CHSY1: variants seen among roughly 807,000 people sequenced by gnomAD.
CHSY1 encodes the protein N-acetylgalactosaminyl-proteoglycan 3-beta-glucuronosyltransferase 1.
CHSY1 carries 13 observed loss-of-function variants against 59.8 expected under a neutral mutation model. The ratio of observed to expected loss-of-function variants is 0.22; its 90% confidence interval spans 0.14 to 0.35. The LOEUF is 0.35. Ranked by LOEUF, CHSY1 falls within the 10% of genes least tolerant of loss-of-function variation. CHSY1 has a pLI of 1.00. For synonymous variants in CHSY1, 459 were observed against 401.2 expected, an observed-to-expected ratio of 1.14 and a Z score of -1.72; for missense variants, 947 against 1,030.6, an observed-to-expected ratio of 0.92 and a Z score of 1.11.
At chr15:101,194,619 C>T (rs2038486002) in intron 2 of CHSY1, among the ~76,000 whole-genome samples, 1 of 152,186 alleles carries the variant, frequency 6.6e-6, no homozygotes, top group Non-Finnish European at 1.5e-5. Context: ...ACAGCTGCTT[C>T]TGAACAGTGC....
At chr15:101,203,219 C>A (rs2038591311) in intron 2 of CHSY1, among the ~76,000 whole-genome samples, 1 of 152,148 alleles carries the variant, frequency 6.6e-6, no homozygotes, top group Non-Finnish European at 1.5e-5. Flanking sequence ...AGCGTGGGCG[C>A]CCACAGCACA....
At chr15:101,227,948 G>C (rs1303771416) in intron 2 of CHSY1, among the ~76,000 whole-genome samples, 1 of 134,976 alleles carries the variant, frequency 7.4e-6, no homozygotes, top group African/African-American at 3.1e-5. Context: ...TAGATTTCAA[G>C]AGTTGTCACA....
intron 2 of CHSY1, among the ~76,000 whole-genome samples, chr15:101,188,796 T>G (rs1236029317): frequency 1.3e-5 from 2 of 152,210 alleles, no homozygotes; most frequent in Non-Finnish European, 2.9e-5. Context: ...CAATATATTT[T>G]GCAACTGAAC....
chr15:101,204,416 A>T (rs1437380779), intron 2 of CHSY1, among the ~76,000 whole-genome samples: 1 of 147,568 alleles, frequency 6.8e-6, no homozygotes, highest in Non-Finnish European at 1.5e-5. Flanking sequence ...ACTGGGCAGT[A>T]AGAGCGAAAC....
intron 1 of CHSY1, among the ~76,000 whole-genome samples, chr15:101,249,723 C>G (rs2039088231): frequency 6.6e-6 from 1 of 152,084 alleles, no homozygotes; most frequent in African/African-American, 2.4e-5. Flanking sequence ...CCATATTGGT[C>G]AGGCTGGTGT....
intron 2 of CHSY1, among the ~76,000 whole-genome samples, chr15:101,214,292 C>A (rs1167071048): frequency 6.6e-6 from 1 of 152,196 alleles, no homozygotes; most frequent in Non-Finnish European, 1.5e-5. Flanking sequence ...CTGACCCTGT[C>A]CCTCACATAC....
intron 2 of CHSY1, among the ~76,000 whole-genome samples, chr15:101,186,357 G>A (rs1344114133): frequency 2.0e-5 from 3 of 146,484 alleles, no homozygotes; most frequent in East Asian, 2.0e-4. Flanking sequence ...TAAATAAAAC[G>A]TATAGTCACA....
At chr15:101,236,873 T>C (rs959871697) in intron 1 of CHSY1, among the ~76,000 whole-genome samples, 3 of 151,928 alleles carry the variant, frequency 2.0e-5, no homozygotes, top group Admixed American at 1.3e-4. Context: ...TGTTTCTTTA[T>C]AAATTACCTA....
Position 101,217,833 on chromosome 15 carries a change from C to T in CHSY1, c.816+17249G>A, listed in dbSNP as rs76022978. Among the ~76,000 whole-genome samples, 524 of 152,214 alleles carry T rather than the reference C, an allele frequency of 3.4e-3. 3 individuals carry two copies. Among genetic ancestry groups the T allele is most frequent in the African/African-American group, 0.012 (487 of 41,506 alleles). On this transcript the variant is annotated intron_variant, in intron 2 of 2. Coordinates refer to ENST00000254190, the MANE Select transcript of CHSY1 (RefSeq NM_014918.5). ...ACCTCAAGGAAGGAGAGTGTAACTC[C>T]CCACCCGTAAGTGTGAGCTGCATAT...
chr15:101,194,349 T>G (rs762822755), intron 2 of CHSY1, among the ~76,000 whole-genome samples: 1 of 152,392 alleles, frequency 6.6e-6, no homozygotes, highest in Non-Finnish European at 1.5e-5. Flanking sequence ...TGTGTGTCCA[T>G]GTGTACGCAC....
At chr15:101,217,550 A>G (rs2038747034) in intron 2 of CHSY1, among the ~76,000 whole-genome samples, 1 of 152,166 alleles carries the variant, frequency 6.6e-6, no homozygotes, top group Admixed American at 6.5e-5. Flanking sequence ...GAAATACACG[A>G]GATGAGCCTG....
intron 2 of CHSY1, chr15:101,189,534 T>C: frequency 1.1e-6 from 1 of 942,512 alleles, no homozygotes. Context: ...AATCCAGCTG[T>C]TCTGTGTCAA....
chr15:101,201,663 G>C (rs1310119812), intron 2 of CHSY1, among the ~76,000 whole-genome samples: 1 of 152,330 alleles, frequency 6.6e-6, no homozygotes, highest in East Asian at 1.9e-4. Flanking sequence ...GGATGACAGA[G>C]GTTGCAAGTA....
intron 1 of CHSY1, among the ~76,000 whole-genome samples, chr15:101,250,932 G>A (rs1442393337): frequency 1.3e-5 from 2 of 152,238 alleles, no homozygotes; most frequent in East Asian, 1.9e-4. Flanking sequence ...TGACCCCAAA[G>A]GCCATGTTCC....
At chr15:101,247,379 CAG>C (rs2039062188) in intron 1 of CHSY1, among the ~76,000 whole-genome samples, 1 of 152,198 alleles carries the variant, frequency 6.6e-6, no homozygotes, top group Non-Finnish European at 1.5e-5. Flanking sequence ...TCACCTAACA[CAG>C]AGAGGACACA....
At chr15:101,233,512 T>C (rs892343453) in intron 2 of CHSY1, among the ~76,000 whole-genome samples, 4 of 152,178 alleles carry the variant, frequency 2.6e-5, no homozygotes, top group Non-Finnish European at 5.9e-5. Context: ...TGGGGAAAAA[T>C]GCAGAAATAT....
chr15:101,251,178 G>A lies in CHSY1; in HGVS notation c.279C>T (p.Thr93=). The change falls in exon 1 of 3, where the codon ACC becomes ACT. Residue 93 remains threonine (T), a synonymous_variant. Coordinates refer to ENST00000254190, the MANE Select transcript of CHSY1 (RefSeq NM_014918.5). ...CCCGAGTCTGCAGGTATTTCTGGGC[G>A]GTCATGACTCCCACGAAGAGAAAGT... ...DRNFLFVGVM[T]AQKYLQTRAV... 6.3e-7 allele frequency: 1 copy of A among 1,599,998 alleles called. No individual in the cohort carries two copies. The highest frequency in any genetic ancestry group is 8.5e-7 in the Non-Finnish European group (1 of 1,176,392).
chr15:101,205,435 A>G (rs536504435), intron 2 of CHSY1, among the ~76,000 whole-genome samples: 1 of 152,322 alleles, frequency 6.6e-6, no homozygotes, highest in South Asian at 2.1e-4. Flanking sequence ...CTAGTAATCA[A>G]TTGACATAGA....
rs139302887 is a variant in CHSY1 at position 101,193,486 on chromosome 15, G to A, written c.817-14506C>T. Among the ~76,000 whole-genome samples, 560 of 106,646 alleles carry A rather than the reference G, an allele frequency of 5.3e-3. 2 individuals carry two copies. Among genetic ancestry groups the A allele is most frequent in the Non-Finnish European group, 0.011 (423 of 39,026 alleles). The allele number at this position is 106,646 out of a possible 152,430, so 70.0% of individuals were successfully genotyped here. A position where few individuals can be genotyped will look rare whatever the true frequency, so the allele number is the denominator to read the frequency against. On this transcript the variant is annotated intron_variant, in intron 2 of 2. Transcript: ENST00000254190. ...GGCAAGGGGCCACACCCTGGAGCAC[G>A]GAGCAAGCATAAACGGCTGGGCCAC...
Sources: allele counts gnomAD v4.1 joint callset (sites outside exome capture counted in the v4.1 genomes callset), GRCh38; gene constraint gnomAD v4.1.1; transcripts MANE v1.5; gene names NCBI Gene and HGNC (gene_info 2026-07-23, HGNC 2026-07-21).